Variants in MID1 observed in about 807,000 individuals in gnomAD.
MID1 encodes the protein midline 1, also known as E3 ubiquitin-protein ligase Midline-1.
MID1 carries 7 observed loss-of-function variants against 40.4 expected under a neutral mutation model. That is an observed-to-expected ratio of 0.17 (90% CI 0.10 to 0.33). The LOEUF (loss-of-function observed/expected upper bound fraction) is 0.33, where lower values mean the gene tolerates loss of function less well. MID1 is among the 10% of genes least tolerant of loss of function. The probability of loss-of-function intolerance (pLI) is 1.00; values close to 1 mark genes in which losing one functional copy is unlikely to be tolerated. For synonymous variants in MID1, 229 were observed against 221.2 expected, an observed-to-expected ratio of 1.04 and a Z score of -0.31; for missense variants, 367 against 558.5, an observed-to-expected ratio of 0.66 and a Z score of 3.46.
At chrX:10,717,870 C>A (rs1489731963) in intron 1 of MID1, among the ~76,000 whole-genome samples, 1 of 111,654 alleles carries the variant, frequency 9.0e-6, no homozygotes, top group Non-Finnish European at 1.9e-5. Context: ...TGCAATCAAA[C>A]TAGAACTCAG....
intron 3 of MID1, among the ~76,000 whole-genome samples, chrX:10,506,718 T>G (rs1011369464): frequency 9.0e-6 from 1 of 111,536 alleles, no homozygotes; most frequent in Admixed American, 9.5e-5. Flanking sequence ...CATTTTGAGC[T>G]CTCATGGAGG....
At chrX:10,538,866 T>C (rs1933363534) in intron 2 of MID1, among the ~76,000 whole-genome samples, 1 of 112,603 alleles carries the variant, frequency 8.9e-6, no homozygotes, top group African/African-American at 3.2e-5. Context: ...AAAGATTTCC[T>C]GACTATAACA....
intron 1 of MID1, among the ~76,000 whole-genome samples, chrX:10,789,031 T>TAAAC (rs113321207): frequency 0.094 from 10,253 of 108,745 alleles, 1,183 homozygotes; most frequent in African/African-American, 0.32. Flanking sequence ...ACAAAACAAA[T>TAAAC]AAACAAAAAA....
intron 1 of MID1, among the ~76,000 whole-genome samples, chrX:10,802,513 A>G (rs1294194864): frequency 8.9e-6 from 1 of 112,105 alleles, no homozygotes. Flanking sequence ...AAAAGTCAAA[A>G]AACAACAGAT....
chrX:10,819,150 T>C (rs181938125), intron 1 of MID1, among the ~76,000 whole-genome samples: 3 of 111,319 alleles, frequency 2.7e-5, no homozygotes, highest in Non-Finnish European at 5.7e-5. Flanking sequence ...ATTCTCTCTC[T>C]CTCCCTCCCT....
At chrX:10,535,633 A>G (rs904398206) in intron 2 of MID1, among the ~76,000 whole-genome samples, 1 of 111,963 alleles carries the variant, frequency 8.9e-6, no homozygotes, top group Non-Finnish European at 1.9e-5. Flanking sequence ...TGGTCACCTC[A>G]ATTTCTAATT....
At chrX:10,671,309 C>T (rs1440163388) in intron 1 of MID1, among the ~76,000 whole-genome samples, 2 of 112,247 alleles carry the variant, frequency 1.8e-5, no homozygotes, top group Non-Finnish European at 3.8e-5. Context: ...CAACTGCCTT[C>T]TCTCTCCTTA....
intron 2 of MID1, among the ~76,000 whole-genome samples, chrX:10,555,889 G>T: frequency 9.0e-6 from 1 of 111,048 alleles, no homozygotes; most frequent in East Asian, 2.8e-4. Context: ...AGAGAGCACA[G>T]AGAACAAAAC....
chrX:10,704,731 T>TACACACACACACAC (rs1386328577), intron 1 of MID1, among the ~76,000 whole-genome samples: 2 of 82,129 alleles, frequency 2.4e-5, no homozygotes, highest in African/African-American at 5.9e-5. Context: ...TATATATATA[T>TACACACACACACAC]ATATATATAC....
intron 1 of MID1, among the ~76,000 whole-genome samples, chrX:10,591,908 G>A (rs1347675435): frequency 1.8e-5 from 2 of 111,040 alleles, no homozygotes; most frequent in Admixed American, 9.6e-5. Flanking sequence ...GTGGTACACA[G>A]TCTTTCTTCC....
Position 10,593,241 on chromosome X carries a change from T to C in MID1, c.-56-25638A>G, listed in dbSNP as rs1169009418. Among the ~76,000 whole-genome samples the C allele has an allele frequency of 2.7e-5, 3 of 112,409 alleles. No individual in the cohort carries two copies. The East Asian group carries it at 8.3e-4, about 31-fold the overall frequency. The stretch of plus-strand genomic sequence containing the variant: ...CTGTTCAGTAAGAGTAAAAAATGAA[T>C]GATAATTTTAATATAGTACTTCCGA... On this transcript the variant is annotated intron_variant, in intron 1 of 9. Coordinates refer to ENST00000317552, the MANE Select transcript of MID1 (RefSeq NM_000381.4).
At chrX:10,682,592 G>A (rs1403835594) in intron 1 of MID1, among the ~76,000 whole-genome samples, 2 of 111,286 alleles carry the variant, frequency 1.8e-5, no homozygotes, top group Non-Finnish European at 3.8e-5. Flanking sequence ...CTCCAAATTA[G>A]TCATACCTCA....
chrX:10,729,363 C>T (rs751609196), intron 1 of MID1, among the ~76,000 whole-genome samples: 54 of 110,393 alleles, frequency 4.9e-4, no homozygotes, highest in African/African-American at 1.6e-3. Flanking sequence ...CCTTGGCTAC[C>T]GAATGCTAAT....
intron 1 of MID1, among the ~76,000 whole-genome samples, chrX:10,649,191 T>G (rs1946118): frequency 0.046 from 5,195 of 111,853 alleles, 175 homozygotes; most frequent in African/African-American, 0.12. Context: ...CTCCTAGCAG[T>G]ACAAATGAGG....
chrX:10,803,341 T>C (rs1287211555), intron 1 of MID1, among the ~76,000 whole-genome samples: 3 of 108,911 alleles, frequency 2.8e-5, no homozygotes, highest in Non-Finnish European at 5.7e-5. Flanking sequence ...AAATAGCTGT[T>C]ACTATATTTT....
At chrX:10,800,678 G>A (rs1013057417) in intron 1 of MID1, among the ~76,000 whole-genome samples, 2 of 111,648 alleles carry the variant, frequency 1.8e-5, no homozygotes, top group East Asian at 2.8e-4. Flanking sequence ...TACATTATAC[G>A]TAGAAAATTG....
chrX:10,685,490 T>C (rs1569146505), intron 1 of MID1, among the ~76,000 whole-genome samples: 2 of 111,895 alleles, frequency 1.8e-5, no homozygotes, highest in Admixed American at 1.9e-4. Flanking sequence ...ATAACGAAAT[T>C]CCCTGACATA....
At chrX:10,549,462 T>C (rs1036257450) in intron 2 of MID1, among the ~76,000 whole-genome samples, 2 of 113,468 alleles carry the variant, frequency 1.8e-5, no homozygotes, top group African/African-American at 6.4e-5. Flanking sequence ...CCTATTTTTA[T>C]AGAGCTTCAT....
chrX:10,688,478 T>C (rs942907024), intron 1 of MID1, among the ~76,000 whole-genome samples: 8 of 112,130 alleles, frequency 7.1e-5, no homozygotes, highest in African/African-American at 2.3e-4. Flanking sequence ...TTCACAAATA[T>C]AGCATCAACT....
Sources: allele counts gnomAD v4.1 joint callset (sites outside exome capture counted in the v4.1 genomes callset), GRCh38; gene constraint gnomAD v4.1.1; transcripts MANE v1.5; gene names NCBI Gene and HGNC (gene_info 2026-07-23, HGNC 2026-07-21).